The following JADE1 variants were observed in gnomAD, a reference collection of about 807,000 sequenced individuals.
The protein encoded by JADE1 is jade family PHD finger 1, also known as protein Jade-1.
In JADE1, 14 loss-of-function variants were observed where a neutral mutation model predicts 81.8. The observed-to-expected ratio is 0.17, with a 90% confidence interval of 0.11 to 0.27. The LOEUF (loss-of-function observed/expected upper bound fraction) is 0.27. Ranked by LOEUF, JADE1 falls within the 10% of genes least tolerant of loss-of-function variation. The pLI is 1.00. For missense variants in JADE1, 690 were observed against 1,047.9 expected, an observed-to-expected ratio of 0.66 and a Z score of 4.71; for synonymous variants, 353 against 391.9, an observed-to-expected ratio of 0.90 and a Z score of 1.17.
At chr4:128,838,037 G>T (rs1729125152) in intron 2 of JADE1, among the ~76,000 whole-genome samples, 1 of 152,166 alleles carries the variant, frequency 6.6e-6, no homozygotes. Flanking sequence ...TTTAGATCTA[G>T]GGCAAGACAG....
At chr4:128,847,683 G>C (rs1047759365) in intron 4 of JADE1, among the ~76,000 whole-genome samples, 1 of 152,216 alleles carries the variant, frequency 6.6e-6, no homozygotes, top group Non-Finnish European at 1.5e-5. Flanking sequence ...CATTAATACA[G>C]CTTGTGGAAG....
intron 9 of JADE1, chr4:128,864,087 G>A: frequency 1.0e-6 from 1 of 984,702 alleles, no homozygotes; most frequent in African/African-American, 1.7e-5. Flanking sequence ...GTGTATGTGT[G>A]TGGCATTACT....
At chr4:128,844,441 CCTTTG>C (rs1560752716) in intron 3 of JADE1, among the ~76,000 whole-genome samples, 6 of 152,164 alleles carry the variant, frequency 3.9e-5, no homozygotes, top group African/African-American at 1.4e-4. Flanking sequence ...CATTTGAGGG[CCTTTG>C]TTTCAGTTCT....
intron 6 of JADE1, among the ~76,000 whole-genome samples, chr4:128,855,370 C>A (rs1003439354): frequency 2.0e-5 from 3 of 152,188 alleles, no homozygotes; most frequent in African/African-American, 7.2e-5. Context: ...TCCAGGACCA[C>A]CCTCTGCTAA....
At chr4:128,859,597 A>T (rs1731151592) in intron 8 of JADE1, among the ~76,000 whole-genome samples, 1 of 152,040 alleles carries the variant, frequency 6.6e-6, no homozygotes, top group African/African-American at 2.4e-5. Context: ...GTGCATGTGT[A>T]TGAGTGTGTA....
chr4:128,817,993 T>C (rs1456714275), intron 1 of JADE1, among the ~76,000 whole-genome samples: 1 of 152,240 alleles, frequency 6.6e-6, no homozygotes, highest in African/African-American at 2.4e-5. Context: ...TTAAAACTTG[T>C]GTACACTGGC....
intron 2 of JADE1, among the ~76,000 whole-genome samples, chr4:128,834,592 T>C (rs1411534528): frequency 6.9e-6 from 1 of 144,276 alleles, no homozygotes; most frequent in East Asian, 2.0e-4. Flanking sequence ...TGGAGTACAG[T>C]GGCATGATCT....
intron 1 of JADE1, among the ~76,000 whole-genome samples, chr4:128,830,249 G>A (rs1193125537): frequency 6.8e-6 from 1 of 147,684 alleles, no homozygotes; most frequent in African/African-American, 2.5e-5. Context: ...GTGTGTGTGT[G>A]TATGTTGAGA....
At position 128,871,259 on chromosome 4, in the gene JADE1, T is replaced by G; in HGVS notation, c.1622-96T>G. On this transcript the variant is annotated intron_variant, in intron 10 of 10. Transcript: ENST00000226319. This position sits in a 1 kb window ranked among gnomAD's most constrained non-coding sequence, Gnocchi z 4.1. ...AAGTGTTGTGTTGTTGGGTGGGGAG[T>G]TCACATCAATTGGGCCACACTAAGG... The G allele has an allele frequency of 1.7e-6, 2 of 1,207,964 alleles. No homozygotes were observed. Among genetic ancestry groups the G allele is most frequent in the East Asian group, 4.7e-5 (2 of 42,520 alleles). 74.8% of individuals were successfully genotyped at this position (1,207,964 alleles called of 1,614,324 possible).
At chr4:128,844,042 C>A (rs1438878629) in intron 3 of JADE1, among the ~76,000 whole-genome samples, 1 of 152,244 alleles carries the variant, frequency 6.6e-6, no homozygotes, top group South Asian at 2.1e-4. Flanking sequence ...TATTTCAGGC[C>A]TTTTTTCCTT....
At chr4:128,810,102 G>A (rs1726208198) in intron 1 of JADE1, 1 of 152,952 alleles carries the variant, frequency 6.5e-6, no homozygotes, top group Non-Finnish European at 1.5e-5. Flanking sequence ...GCTGCCTAGT[G>A]GAAATAATAT....
intron 9 of JADE1, chr4:128,863,971 A>G (rs746005529): frequency 3.1e-5 from 31 of 985,420 alleles, no homozygotes; most frequent in Non-Finnish European, 3.6e-5. Flanking sequence ...TCAGATTAAC[A>G]TGCACTTCTA....
At chr4:128,823,631 C>T (rs1029087892) in intron 1 of JADE1, among the ~76,000 whole-genome samples, 3 of 152,038 alleles carry the variant, frequency 2.0e-5, no homozygotes, top group African/African-American at 4.8e-5. Flanking sequence ...TGATGTATGA[C>T]GTTATAAAGA....
In JADE1 at chr4:128,873,288, AAAAG is replaced by A. The variant is rs377642384; in HGVS notation, c.*1030_*1033del. On this transcript the variant is annotated 3_prime_UTR_variant, in exon 11 of 11. Coordinates refer to ENST00000226319, the MANE Select transcript of JADE1 (RefSeq NM_199320.4). ...AAAAAAAAAAGAAAAAAAGAAAAAA[AAAAG>A]AAAAAAGAAAAAAAGAGAAAAAAGC... 6.0e-3 allele frequency: 894 copies of A among 149,322 alleles called. 9 individuals carry two copies. The highest frequency in any genetic ancestry group is 0.021 in the African/African-American group (816 of 38,960). The allele number at this position is 149,322 out of a possible 1,614,324, so 9.2% of individuals were successfully genotyped here.
chr4:128,868,499 G>A (rs1281784984), intron 10 of JADE1, among the ~76,000 whole-genome samples: 1 of 151,654 alleles, frequency 6.6e-6, no homozygotes, highest in Non-Finnish European at 1.5e-5. Context: ...TTCTGAGATT[G>A]AGCACCAAAT....
intron 10 of JADE1, among the ~76,000 whole-genome samples, chr4:128,868,726 T>C (rs1731967737): frequency 6.6e-6 from 1 of 152,180 alleles, no homozygotes. Flanking sequence ...GAGCCCTATA[T>C]TCTGTGATCA....
intron 1 of JADE1, among the ~76,000 whole-genome samples, chr4:128,812,297 GGGA>G (rs558931543): frequency 1.9e-4 from 29 of 151,650 alleles, no homozygotes; most frequent in South Asian, 6.2e-4. Flanking sequence ...CTGTCGCCTC[GGGA>G]GGAGGAGGAG....
chr4:128,842,802 G>T, intron 2 of JADE1, 151 bp from the exon 3 acceptor site: 1 of 662,186 alleles, frequency 1.5e-6, no homozygotes, highest in Non-Finnish European at 2.8e-6. Context: ...GGACGTGGAA[G>T]AGCTCTGTGA....
intron 8 of JADE1, among the ~76,000 whole-genome samples, chr4:128,859,754 T>G (rs972724568): frequency 6.6e-6 from 1 of 152,248 alleles, no homozygotes; most frequent in Non-Finnish European, 1.5e-5. Context: ...GAATGGGATC[T>G]TTGTTTCCCT....
Sources: allele counts gnomAD v4.1 joint callset (sites outside exome capture counted in the v4.1 genomes callset), GRCh38; gene constraint gnomAD v4.1.1; non-coding constraint Gnocchi (gnomAD v3.1); transcripts MANE v1.5; gene names NCBI Gene and HGNC (gene_info 2026-07-23, HGNC 2026-07-21).